Variants in LRRC20 observed in about 807,000 individuals in gnomAD.
LRRC20 encodes the protein leucine-rich repeat-containing protein 20.
Under a neutral mutation model 14.4 loss-of-function variants are expected in LRRC20, and 11 were observed. The observed-to-expected ratio is 0.77, with a 90% confidence interval of 0.48 to 1.27. The LOEUF (loss-of-function observed/expected upper bound fraction) is 1.27, where lower values mean the gene tolerates loss of function less well. Ranked by LOEUF, LRRC20 falls within the 50% of genes most tolerant of loss-of-function variation. The probability of loss-of-function intolerance (pLI) is 0.00; values close to 1 mark genes in which losing one functional copy is unlikely to be tolerated. For synonymous variants in LRRC20, 121 were observed against 107.3 expected, an observed-to-expected ratio of 1.13 and a Z score of -0.79; for missense variants, 219 against 251.2, an observed-to-expected ratio of 0.87 and a Z score of 0.87.
chr10:70,376,349 T>G, intron 2 of LRRC20, 103 bp downstream of exon 2: 223 of 1,095,474 alleles, frequency 2.0e-4, no homozygotes, highest in Non-Finnish European at 2.8e-4. Flanking sequence ...ATTCTCAGGA[T>G]GAGGTTGCAC....
In LRRC20 at chr10:70,366,111, C is replaced by T. The variant is rs150559662; in HGVS notation, c.82+10341G>A. Among the ~76,000 whole-genome samples, 981 of 150,046 alleles carry T rather than the reference C, an allele frequency of 6.5e-3. 23 individuals are homozygous for T. The highest frequency in any genetic ancestry group is 0.029 in the Admixed American group (438 of 14,954). Reference sequence around the variant, plus strand: ...ACAACAACAAAAAACGAATGGATAGCCAACAAGCACATGAAAAGTTGTACA... The same window carrying T: ...ACAACAACAAAAAACGAATGGATAGTCAACAAGCACATGAAAAGTTGTACA... On this transcript the variant is annotated intron_variant, in intron 2 of 4. Coordinates refer to ENST00000446961, the MANE Select transcript of LRRC20 (RefSeq NM_001278212.2).
intron 2 of LRRC20, among the ~76,000 whole-genome samples, chr10:70,374,337 A>G (rs1474179717): frequency 1.5e-5 from 2 of 136,126 alleles, no homozygotes; most frequent in African/African-American, 5.5e-5. Context: ...CTGTGTCCCT[A>G]TCCCCTGTGA....
intron 2 of LRRC20, among the ~76,000 whole-genome samples, chr10:70,349,771 G>GATCAAAAA (rs139745344): frequency 0.12 from 17,727 of 151,986 alleles, 1,862 homozygotes; most frequent in African/African-American, 0.28. Context: ...ACAGTGATGG[G>GATCAAAAA]ATCTGAATGC....
At chr10:70,319,740 C>T (rs1172096809) in intron 4 of LRRC20, among the ~76,000 whole-genome samples, 1 of 152,252 alleles carries the variant, frequency 6.6e-6, no homozygotes, top group Non-Finnish European at 1.5e-5. Flanking sequence ...AACTTCCATA[C>T]ACCACTTTCT....
chr10:70,344,826 C>T (rs1036091265), intron 2 of LRRC20, among the ~76,000 whole-genome samples: 3 of 152,092 alleles, frequency 2.0e-5, no homozygotes, highest in African/African-American at 7.2e-5. Flanking sequence ...CTAGGCCTCC[C>T]GAAGTGCTAG....
chr10:70,363,136 G>T (rs567369089), intron 2 of LRRC20, among the ~76,000 whole-genome samples: 5 of 151,754 alleles, frequency 3.3e-5, no homozygotes, highest in Non-Finnish European at 7.4e-5. Flanking sequence ...AAATTAGCCA[G>T]GCATGGTGAT....
intron 2 of LRRC20, among the ~76,000 whole-genome samples, chr10:70,362,698 G>A (rs1175281335): frequency 6.6e-6 from 1 of 152,164 alleles, no homozygotes; most frequent in East Asian, 1.9e-4. Flanking sequence ...GCCCCTTACA[G>A]ACATGACCTC....
chr10:70,376,291 T>C (rs940533602), intron 2 of LRRC20, among the ~76,000 whole-genome samples, 161 bp downstream of exon 2: 5 of 152,206 alleles, frequency 3.3e-5, no homozygotes, highest in African/African-American at 1.2e-4. Context: ...GTAAGAAATG[T>C]CTTACACAAA....
At chr10:70,329,748 A>G (rs1842465694) in intron 3 of LRRC20, among the ~76,000 whole-genome samples, 1 of 151,968 alleles carries the variant, frequency 6.6e-6, no homozygotes, top group Non-Finnish European at 1.5e-5. Context: ...GTATTTTACT[A>G]GAGACGGGGT....
intron 2 of LRRC20, among the ~76,000 whole-genome samples, chr10:70,357,912 G>A (rs1028320115): frequency 6.6e-6 from 1 of 152,230 alleles, no homozygotes; most frequent in Non-Finnish European, 1.5e-5. Context: ...AGTGGAGGAG[G>A]CCACGTGGCC....
intron 2 of LRRC20, among the ~76,000 whole-genome samples, chr10:70,346,083 T>G (rs374769031): frequency 2.6e-5 from 4 of 152,054 alleles, no homozygotes; most frequent in Non-Finnish European, 4.4e-5. Flanking sequence ...TGAAACCCTA[T>G]CTCTACTAAA....
chr10:70,328,281 ATCTTTGT>A (rs1421325700), intron 3 of LRRC20, among the ~76,000 whole-genome samples: 45 of 104,456 alleles, frequency 4.3e-4, no homozygotes, highest in Admixed American at 9.1e-5. Context: ...AAAAAGGGTA[ATCTTTGT>A]TTTTTGTTTT....
intron 3 of LRRC20, 78 bp downstream of exon 3, chr10:70,340,475 G>A (rs1842871615): frequency 6.4e-7 from 1 of 1,553,222 alleles, no homozygotes; most frequent in Non-Finnish European, 8.8e-7. Flanking sequence ...CAGCTCTGGT[G>A]GCACTCCCCA....
chr10:70,352,635 G>A (rs1185193910), intron 2 of LRRC20, among the ~76,000 whole-genome samples: 1 of 152,174 alleles, frequency 6.6e-6, no homozygotes, highest in Non-Finnish European at 1.5e-5. Context: ...CCCTCTGGTG[G>A]GGGATGTTGA....
rs537664764 is a variant in LRRC20, at chr10:70,300,834, C to T, written c.*520G>A. The T allele has an allele frequency of 1.4e-4, 142 of 986,012 alleles. No homozygotes were observed. The African/African-American group carries it at 2.2e-3, about 15-fold the overall frequency. 61.1% of individuals were successfully genotyped at this position (986,012 alleles called of 1,614,324 possible). ...GGACCACAGGACTGAAGACTGGGCC[C>T]TGCAGAGGGCCGCATCCAGGTCAGT... On this transcript the variant is annotated 3_prime_UTR_variant, in exon 5 of 5. Coordinates refer to ENST00000446961, the MANE Select transcript of LRRC20 (RefSeq NM_001278212.2).
chr10:70,337,659 T>A (rs1028821544), intron 3 of LRRC20, among the ~76,000 whole-genome samples: 2 of 152,172 alleles, frequency 1.3e-5, no homozygotes, highest in African/African-American at 4.8e-5. Flanking sequence ...AGCTCTTGCA[T>A]CCATACCCAG....
At chr10:70,305,061 G>A (rs1051059066) in intron 4 of LRRC20, among the ~76,000 whole-genome samples, 6 of 152,276 alleles carry the variant, frequency 3.9e-5, no homozygotes, top group Admixed American at 2.0e-4. Context: ...GCACATGCCT[G>A]TAATCCCAGC....
In LRRC20 at chr10:70,300,677, G is replaced by T; in HGVS notation, c.*677C>A. The T allele has an allele frequency of 1.0e-6, 1 of 985,684 alleles. No individual in the cohort carries two copies. Among genetic ancestry groups the T allele is most frequent in the Non-Finnish European group, 1.2e-6 (1 of 830,116 alleles). The allele number at this position is 985,684 out of a possible 1,614,324, so 61.1% of individuals were successfully genotyped here. ...AACTGTGGGGAATGACAGAGCTGAC[G>T]TGACTTGCTCCCCATTCCCAGCCTG... is the stretch of plus-strand genomic sequence containing the variant. On this transcript the variant is annotated 3_prime_UTR_variant, in exon 5 of 5. Coordinates refer to ENST00000446961, the MANE Select transcript of LRRC20 (RefSeq NM_001278212.2).
intron 2 of LRRC20, among the ~76,000 whole-genome samples, chr10:70,363,991 C>T (rs1304649140): frequency 1.3e-5 from 2 of 152,210 alleles, no homozygotes; most frequent in Admixed American, 1.3e-4. Context: ...CTGCTTCCTG[C>T]GAGAGGCAGA....
Sources: gnomAD v4.1 joint callset for allele counts (sites outside exome capture counted in the v4.1 genomes callset) on GRCh38, gnomAD v4.1.1 for gene constraint, MANE v1.5 for transcripts, NCBI Gene and HGNC (gene_info 2026-07-23, HGNC 2026-07-21) for gene names.